PODNL1: variants seen among roughly 807,000 people sequenced by gnomAD.
PODNL1 encodes podocan-like protein 1.
In PODNL1, 50 loss-of-function variants were observed where a neutral mutation model predicts 45.1. The observed-to-expected ratio is 1.11, with a 90% CI of 0.88 to 1.40. The LOEUF (loss-of-function observed/expected upper bound fraction) is 1.40. Among genes scored for constraint, PODNL1 ranks in the 40% most tolerant of loss-of-function variants. The pLI, the probability that PODNL1 is intolerant of heterozygous loss-of-function variation, is 0.00. For missense variants in PODNL1, 788 were observed against 793.3 expected, an observed-to-expected ratio of 0.99 and a Z score of 0.08; for synonymous variants, 406 against 372.5, an observed-to-expected ratio of 1.09 and a Z score of -1.04.
chr19:13,949,352 G>C (rs1379197344), intron 1 of PODNL1: 1 of 151,934 alleles, frequency 6.6e-6, no homozygotes, highest in Non-Finnish European at 1.5e-5. Context: ...TGTCACCCAG[G>C]CTGGAATGTA....
upstream of PODNL1, among the ~76,000 whole-genome samples, chr19:13,942,843 C>CA (rs1168393649): frequency 1.3e-5 from 2 of 150,892 alleles, no homozygotes; most frequent in Admixed American, 1.3e-4. Flanking sequence ...AAAAAAACAA[C>CA]AAAAAAAATT....
chr19:13,937,571 G>T (rs917677320), intron 2 of PODNL1, among the ~76,000 whole-genome samples: 3 of 151,612 alleles, frequency 2.0e-5, no homozygotes, highest in Non-Finnish European at 4.4e-5. Flanking sequence ...CTCAGTCCCC[G>T]ACAACTTCCA....
chr19:13,932,620 T>C, intron 8 of PODNL1, 178 bp downstream of exon 8: 1 of 1,494,776 alleles, frequency 6.7e-7, no homozygotes, highest in Non-Finnish European at 9.0e-7. Flanking sequence ...CTCCCCAAAG[T>C]GCTGGGATTA....
intron 1 of PODNL1, among the ~76,000 whole-genome samples, chr19:13,947,261 A>T (rs1159949236): frequency 1.3e-5 from 2 of 149,564 alleles, no homozygotes; most frequent in African/African-American, 4.9e-5. Context: ...CAGGTGGATC[A>T]CCTGAGGCCA....
intron 1 of PODNL1, among the ~76,000 whole-genome samples, chr19:13,945,433 T>C (rs1038310413): frequency 6.6e-6 from 1 of 151,542 alleles, no homozygotes; most frequent in African/African-American, 2.4e-5. Context: ...GGTGGAAGGA[T>C]TGCATGAGCC....
At chr19:13,947,657 C>T (rs530325195) in intron 1 of PODNL1, among the ~76,000 whole-genome samples, 2 of 152,174 alleles carry the variant, frequency 1.3e-5, no homozygotes, top group African/African-American at 2.4e-5. Flanking sequence ...GTCCCATGTA[C>T]GTATTCAACT....
rs190778435 is a variant in PODNL1, at chr19:13,934,880, C to T, written c.495-470G>A. On this transcript the variant is annotated intron_variant, in intron 5 of 9. Transcript: ENST00000588872. ...GATTGTGTGTGTGCAGCCGAGTGTGCAACTGTGTGTATGCATGTATGTCCA... is the reference window on the plus strand; with the variant it reads ...GATTGTGTGTGTGCAGCCGAGTGTGTAACTGTGTGTATGCATGTATGTCCA... 2.2e-4 allele frequency among the ~76,000 whole-genome samples: 33 copies of T among 150,626 alleles called. No homozygotes were observed. The East Asian group carries it at 3.7e-3, about 17-fold the overall frequency.
In PODNL1 at chr19:13,937,931, G is replaced by T. The variant is rs184726275; in HGVS notation, c.79C>A (p.His27Asn). Residue 27 changes from histidine (H) to asparagine (N), a missense_variant, in exon 2 of 10, where the codon CAC becomes AAC. Physicochemically the swap from His to Asn is moderately conservative, Grantham distance 68. Around this residue, in one of 3 missense-constraint regions of PODNL1, gnomAD observed 762 missense variants for 750.9 expected, o/e 1.01. Transcript: ENST00000588872. ...AGGGGCTGCAAGCTCTCCCCCAGGT[G>T]GGGGAAGGCAGCGTCTTCCAAGCCG... Reference protein sequence around the residue: ...VAGLEDAAFPHLGESLQPLPR... With the variant: ...VAGLEDAAFPNLGESLQPLPR... The T allele has an allele frequency of 7.7e-6, 12 of 1,552,016 alleles. No individual in the cohort carries two copies. The highest frequency in any genetic ancestry group is 2.4e-5 in the East Asian group (1 of 41,630).
At chr19:13,948,825 T>C in intron 1 of PODNL1, among the ~76,000 whole-genome samples, 1 of 143,898 alleles carries the variant, frequency 6.9e-6, no homozygotes, top group Non-Finnish European at 1.5e-5. Context: ...GCGCCTGTAG[T>C]CCCAGCTACT....
At position 13,936,391 on chromosome 19, in the gene PODNL1, G is replaced by T. The variant is rs1172651500; in HGVS notation, c.295C>A (p.His99Asn). The change falls in exon 3 of 10, where the codon CAC (histidine) becomes AAC (asparagine). Residue 99 changes from histidine (H) to asparagine (N), a missense_variant. This residue lies in a region of PODNL1 where 762 missense variants were observed against 750.9 expected (regional missense o/e 1.01). Transcript: ENST00000588872. The part of the protein sequence containing the change: ...RLSGLRTLNL[H>N]NNLISSEGLP... Reference sequence around the variant, plus strand: ...CCTTCGGAGGAGATGAGGTTGTTGTGGAGGTTGAGGGTTCGCAGGCCACTG... The same window carrying T: ...CCTTCGGAGGAGATGAGGTTGTTGTTGAGGTTGAGGGTTCGCAGGCCACTG... The T allele has an allele frequency of 6.2e-7, 1 of 1,613,278 alleles. No homozygotes were observed. Among genetic ancestry groups the T allele is most frequent in the Admixed American group, 1.7e-5 (1 of 59,984 alleles).
chr19:13,937,770 C>T lies in PODNL1; in HGVS notation c.225+15G>A. 6.4e-7 allele frequency: 1 copy of T among 1,564,288 alleles called. No individual in the cohort carries two copies. Among genetic ancestry groups the T allele is most frequent in the Non-Finnish European group, 8.7e-7 (1 of 1,154,634 alleles). ...CTCAGCCCTGCATGCCCCCACTCCCCTCCGTGGGCCCCACCTGCAGGGAGA... is the reference window on the plus strand; with the variant it reads ...CTCAGCCCTGCATGCCCCCACTCCCTTCCGTGGGCCCCACCTGCAGGGAGA... On this transcript the variant is annotated intron_variant, in intron 2 of 9. Coordinates refer to ENST00000588872, the MANE Select transcript of PODNL1 (RefSeq NM_001370095.3).
rs759288219 is a variant in PODNL1, at chr19:13,936,406, G to A, written c.280C>T (p.Arg94Ter). The A allele has an allele frequency of 3.7e-6, 6 of 1,613,480 alleles. No individual in the cohort carries two copies. Among genetic ancestry groups the A allele is most frequent in the South Asian group, 1.1e-5 (1 of 91,070 alleles). The change falls in exon 3 of 10, where the codon CGA (arginine) becomes TGA (stop). Residue 94 changes from arginine to a stop codon, truncating the protein, a stop_gained. Coordinates refer to ENST00000588872, the MANE Select transcript of PODNL1 (RefSeq NM_001370095.3). LOFTEE classifies it high-confidence loss of function. ...YNELSRLSGL[R>*]TLNLHNNLIS... ...AGGTTGTTGTGGAGGTTGAGGGTTC[G>A]CAGGCCACTGAGGCGGGACAGCTCA...
intron 8 of PODNL1, 112 bp downstream of exon 8, chr19:13,932,686 T>G: frequency 6.3e-7 from 1 of 1,590,208 alleles, no homozygotes; most frequent in Non-Finnish European, 8.6e-7. Context: ...ACTCTTATCA[T>G]TTTCTTGTTC....
At position 13,931,687 on chromosome 19, in the gene PODNL1, GCCCAGCGGAGT is replaced by G; in HGVS notation, c.*39_*49del. 1 of 1,231,212 alleles carries G rather than the reference GCCCAGCGGAGT, an allele frequency of 8.1e-7. No individual in the cohort carries two copies. The highest frequency in any genetic ancestry group is 1.0e-6 in the Non-Finnish European group (1 of 987,612). The allele number at this position is 1,231,212 out of a possible 1,614,324, so 76.3% of individuals were successfully genotyped here. Reference sequence around the variant, plus strand: ...GTGGGCGTTGTCTCCTCAGTCCACGGCCCAGCGGAGTCCCAGGAGTCTGAGCTGCTCTGCTG... The same window carrying G: ...GTGGGCGTTGTCTCCTCAGTCCACGGCCCAGGAGTCTGAGCTGCTCTGCTG... On this transcript the variant is annotated 3_prime_UTR_variant, in exon 10 of 10. Transcript: ENST00000588872.
Position 13,932,832 on chromosome 19 carries a change from C to T in PODNL1, c.1391G>A (p.Gly464Glu). The change falls in exon 8 of 10, where the codon GGG (glycine) becomes GAG (glutamate). Residue 464 changes from glycine to glutamate, a missense_variant. Around this residue, in one of 3 missense-constraint regions of PODNL1, gnomAD observed 762 missense variants for 750.9 expected, o/e 1.01. Transcript: ENST00000588872. ...AHNRLRVGDI[G>E]PGTWHELQAL... is the part of the protein sequence containing the mutation. ...TTGGAGCTCATGCCAGGTGCCTGGC[C>T]CGATGTCGCCGACCCGGAGCCGGTT... 2 of 1,612,680 alleles carry T rather than the reference C, an allele frequency of 1.2e-6. No homozygotes were observed. Among genetic ancestry groups the T allele is most frequent in the Admixed American group, 1.7e-5 (1 of 60,002 alleles).
At position 13,931,723 on chromosome 19, in the gene PODNL1, G is replaced by A; in HGVS notation, c.*14C>T. Reference sequence around the variant, plus strand: ...TCCCAGGAGTCTGAGCTGCTCTGCTGGGCCTCTCTAGGATCAGGGGCCCCC... The same window carrying A: ...TCCCAGGAGTCTGAGCTGCTCTGCTAGGCCTCTCTAGGATCAGGGGCCCCC... On this transcript the variant is annotated 3_prime_UTR_variant, in exon 10 of 10. Transcript: ENST00000588872. The A allele has an allele frequency of 8.1e-7, 1 of 1,231,796 alleles. No homozygotes were observed. The highest frequency in any genetic ancestry group is 1.0e-6 in the Non-Finnish European group (1 of 987,932). The allele number at this position is 1,231,796 out of a possible 1,614,324, so 76.3% of individuals were successfully genotyped here.
At chr19:13,942,176 A>G (rs1972675997), upstream of PODNL1, among the ~76,000 whole-genome samples, 1 of 152,206 alleles carries the variant, frequency 6.6e-6, no homozygotes, top group Admixed American at 6.5e-5. Flanking sequence ...TGAACTAGCT[A>G]ATACAAACAA....
At chr19:13,951,165 G>A in intron 1 of PODNL1, among the ~76,000 whole-genome samples, 1 of 151,746 alleles carries the variant, frequency 6.6e-6, no homozygotes, top group South Asian at 2.1e-4. Flanking sequence ...CTTGAAATCA[G>A]CTGGGCACAG....
At chr19:13,940,903 G>A (rs911914667), upstream of PODNL1, among the ~76,000 whole-genome samples, 40 of 142,592 alleles carry the variant, frequency 2.8e-4, no homozygotes, top group Middle Eastern at 3.3e-3. Flanking sequence ...AAAACTTAGC[G>A]GGGCATGGTG....
Sources: allele counts gnomAD v4.1 joint callset (sites outside exome capture counted in the v4.1 genomes callset), GRCh38; gene constraint gnomAD v4.1.1; regional missense constraint gnomAD v4.1.1; transcripts MANE v1.5; gene names NCBI Gene and HGNC (gene_info 2026-07-23, HGNC 2026-07-21).